Variants in CTNNA3 observed in about 807,000 individuals in gnomAD.
CTNNA3 encodes the protein catenin alpha-3.
CTNNA3 carries 76 observed loss-of-function variants against 95.7 expected under a neutral mutation model. That is an observed-to-expected ratio of 0.79 (90% CI 0.66 to 0.96). The LOEUF (loss-of-function observed/expected upper bound fraction) is 0.96, where lower values mean the gene tolerates loss of function less well. Ranked by LOEUF, CTNNA3 falls within the 40% of genes least tolerant of loss-of-function variation. The probability of loss-of-function intolerance (pLI) is 0.00; values close to 1 mark genes in which losing one functional copy is unlikely to be tolerated. For missense variants in CTNNA3, 1,191 were observed against 1,089.8 expected (o/e 1.09, Z -1.31); for synonymous variants, 431 against 374.4 (o/e 1.15, Z -1.74).
At chr10:66,967,067 A>G (rs1236614706) in intron 7 of CTNNA3, among the ~76,000 whole-genome samples, 1 of 152,064 alleles carries the variant, frequency 6.6e-6, no homozygotes, top group Non-Finnish European at 1.5e-5. Context: ...ACCTGGTACC[A>G]CTATAAGCAG....
intron 7 of CTNNA3, among the ~76,000 whole-genome samples, chr10:66,807,967 T>C (rs375606096): frequency 1.4e-4 from 22 of 152,238 alleles, no homozygotes; most frequent in African/African-American, 4.8e-4. Flanking sequence ...CTTGCTTGGT[T>C]CTAGCCTCAG....
Position 66,106,207 on chromosome 10 carries a change from C to CA in CTNNA3, c.1885-2959dup, listed in dbSNP as rs532405373. Among the ~76,000 whole-genome samples, 490 of 108,692 alleles carry CA rather than the reference C, an allele frequency of 4.5e-3. 3 individuals carry two copies. The highest frequency in any genetic ancestry group is 0.012 in the African/African-American group (336 of 28,038). 71.3% of individuals were successfully genotyped at this position (108,692 alleles called of 152,430 possible). On this transcript the variant is annotated intron_variant, in intron 13 of 17. Transcript: ENST00000433211. ...GGGCAACAAGAGTGAAACTCCATCT[C>CA]AAAAAAAAAAAAAGAAAAAAAAATG...
chr10:67,587,193 T>TG (rs1842653827), intron 3 of CTNNA3, among the ~76,000 whole-genome samples: 18 of 130,156 alleles, frequency 1.4e-4, no homozygotes, highest in Non-Finnish European at 2.3e-4. Flanking sequence ...CCCAGCTAAC[T>TG]TGTGTGTGTG....
At chr10:66,637,304 T>A (rs1181008841) in intron 9 of CTNNA3, among the ~76,000 whole-genome samples, 1 of 152,206 alleles carries the variant, frequency 6.6e-6, no homozygotes, top group Non-Finnish European at 1.5e-5. Context: ...AATTCTTATG[T>A]CAAGTAACAT....
intron 13 of CTNNA3, among the ~76,000 whole-genome samples, chr10:66,164,227 A>G (rs1361047993): frequency 6.6e-6 from 1 of 152,202 alleles, no homozygotes; most frequent in East Asian, 1.9e-4. Flanking sequence ...TAATTTTAAA[A>G]TTAAAAACCC....
chr10:67,650,938 A>G (rs889498743), intron 1 of CTNNA3, among the ~76,000 whole-genome samples: 4 of 152,064 alleles, frequency 2.6e-5, no homozygotes, highest in African/African-American at 9.7e-5. Context: ...TCCTCCCTAC[A>G]GTAACACATA....
At chr10:66,660,024 G>A (rs1378475171) in intron 9 of CTNNA3, among the ~76,000 whole-genome samples, 1 of 151,942 alleles carries the variant, frequency 6.6e-6, no homozygotes. Flanking sequence ...GTCTCACTAA[G>A]TTGCTCAGGA....
intron 7 of CTNNA3, among the ~76,000 whole-genome samples, chr10:66,877,321 T>A (rs1187752748): frequency 6.6e-6 from 1 of 152,132 alleles, no homozygotes; most frequent in Non-Finnish European, 1.5e-5. Context: ...TGGCGAGGGT[T>A]TAATAGGGAA....
At chr10:66,484,954 T>C (rs1483792027) in intron 11 of CTNNA3, among the ~76,000 whole-genome samples, 2 of 152,090 alleles carry the variant, frequency 1.3e-5, no homozygotes, top group South Asian at 2.1e-4. Context: ...ATGAATGTGC[T>C]ACACCACATT....
At chr10:67,620,039 C>T (rs1843777020) in intron 2 of CTNNA3, among the ~76,000 whole-genome samples, 1 of 151,874 alleles carries the variant, frequency 6.6e-6, no homozygotes, top group South Asian at 2.1e-4. Flanking sequence ...AGCAGTGGGC[C>T]TGCCCTGAGT....
intron 7 of CTNNA3, among the ~76,000 whole-genome samples, chr10:67,073,178 A>C (rs1211166203): frequency 6.6e-6 from 1 of 152,200 alleles, no homozygotes; most frequent in African/African-American, 2.4e-5. Context: ...AGCTCTAGGA[A>C]CTATATCTAA....
At chr10:67,261,073 C>T (rs1285447571) in intron 5 of CTNNA3, among the ~76,000 whole-genome samples, 1 of 152,156 alleles carries the variant, frequency 6.6e-6, no homozygotes, top group Admixed American at 6.5e-5. Context: ...TTCATGTGGT[C>T]AGCCTGTCTA....
chr10:66,735,734 G>T (rs1314782369), intron 9 of CTNNA3, among the ~76,000 whole-genome samples: 1 of 151,690 alleles, frequency 6.6e-6, no homozygotes, highest in Non-Finnish European at 1.5e-5. Flanking sequence ...TTTTTTAATT[G>T]AAGAGGATAT....
intron 5 of CTNNA3, among the ~76,000 whole-genome samples, chr10:67,441,187 T>C (rs188256137): frequency 2.0e-5 from 3 of 149,950 alleles, no homozygotes; most frequent in South Asian, 4.2e-4. Context: ...AATACCTTAA[T>C]AGCAGAACTG....
At position 66,961,600 on chromosome 10, in the gene CTNNA3, T is replaced by C. The variant is rs574109590; in HGVS notation, c.1048-186076A>G. Among the ~76,000 whole-genome samples, 4 of 152,292 alleles carry C rather than the reference T, an allele frequency of 2.6e-5. No individual in the cohort carries two copies. In the East Asian group the frequency reaches 5.8e-4, roughly 22 times the overall value. ...TTTGTGTGTAAATTTACTCCTTTAG[T>C]GATTTCATCAATACTACTGATATAG... On this transcript the variant is annotated intron_variant, in intron 7 of 17. Transcript: ENST00000433211.
chr10:66,092,309 C>T (rs764224186), intron 14 of CTNNA3, among the ~76,000 whole-genome samples: 2 of 151,934 alleles, frequency 1.3e-5, no homozygotes, highest in Non-Finnish European at 2.9e-5. Context: ...ATTTTCAACA[C>T]AGCATTCAGA....
intron 5 of CTNNA3, among the ~76,000 whole-genome samples, chr10:67,284,940 C>G (rs1839538930): frequency 6.6e-6 from 1 of 152,044 alleles, no homozygotes; most frequent in Non-Finnish European, 1.5e-5. Context: ...ATCCCCTCAC[C>G]CCCTGGGGGT....
chr10:66,324,268 T>G (rs2092226549), intron 12 of CTNNA3, among the ~76,000 whole-genome samples: 1 of 151,996 alleles, frequency 6.6e-6, no homozygotes, highest in African/African-American at 2.4e-5. Context: ...TCCAGTGAAC[T>G]GAGATCATGC....
intron 9 of CTNNA3, among the ~76,000 whole-genome samples, chr10:66,675,864 G>A (rs1394905394): frequency 6.6e-6 from 1 of 151,994 alleles, no homozygotes; most frequent in Non-Finnish European, 1.5e-5. Flanking sequence ...AGAATATTTG[G>A]GAGATACTAT....
Sources: allele counts gnomAD v4.1 joint callset (sites outside exome capture counted in the v4.1 genomes callset), GRCh38; gene constraint gnomAD v4.1.1; transcripts MANE v1.5; gene names NCBI Gene and HGNC (gene_info 2026-07-23, HGNC 2026-07-21).